Variants in DYNC2I1 observed in about 807,000 individuals in gnomAD.
The protein encoded by DYNC2I1 is cytoplasmic dynein 2 intermediate chain 1.
Under a neutral mutation model 133.4 loss-of-function variants are expected in DYNC2I1, and 89 were observed. The observed-to-expected ratio is 0.67, with a 90% CI of 0.56 to 0.80. DYNC2I1 has a LOEUF of 0.80. Among genes scored for constraint, DYNC2I1 ranks in the 30% least tolerant of loss-of-function variants. DYNC2I1 has a pLI of 0.00. For missense variants in DYNC2I1, 1,291 were observed against 1,314.5 expected (o/e 0.98, Z 0.28); for synonymous variants, 504 against 484.3 (o/e 1.04, Z -0.54).
intron 4 of DYNC2I1, among the ~76,000 whole-genome samples, chr7:158,951,621 G>A (rs1473561692): frequency 6.6e-6 from 1 of 152,222 alleles, no homozygotes; most frequent in African/African-American, 2.4e-5. Context: ...GAGTGCTTGG[G>A]TACTGAGAGG....
chr7:158,956,604 TGAA>T (rs1212419922), exon 5 of DYNC2I1: 2 of 152,206 alleles, frequency 1.3e-5, no homozygotes, highest in African/African-American at 4.8e-5. Context: ...ACAAAGCAAA[TGAA>T]GAGGCGAGAA....
At chr7:158,899,844 A>G (rs908645271) in intron 8 of DYNC2I1, among the ~76,000 whole-genome samples, 5 of 151,646 alleles carry the variant, frequency 3.3e-5, no homozygotes, top group Non-Finnish European at 7.4e-5. Context: ...TTTTCTTCCC[A>G]GTCTCGGTTA....
downstream of DYNC2I1, among the ~76,000 whole-genome samples, chr7:158,950,174 G>A (rs954985136): frequency 1.1e-4 from 16 of 152,006 alleles, no homozygotes; most frequent in East Asian, 5.8e-4. Context: ...AGTGATTCTC[G>A]TGCTCCAGCC....
chr7:158,888,892 G>A (rs1350942159), intron 7 of DYNC2I1, among the ~76,000 whole-genome samples: 1 of 151,998 alleles, frequency 6.6e-6, no homozygotes, highest in African/African-American at 2.4e-5. Flanking sequence ...AATTTTGGTG[G>A]TGGTGGTTGG....
At chr7:158,949,009 T>C (rs141323735), downstream of DYNC2I1, among the ~76,000 whole-genome samples, 166 of 152,158 alleles carry the variant, frequency 1.1e-3, no homozygotes, top group African/African-American at 4.0e-3. Context: ...AGATGGCTGG[T>C]CCTGGACTGG....
upstream of DYNC2I1, among the ~76,000 whole-genome samples, chr7:158,856,250 A>C (rs1841219011): frequency 6.6e-6 from 1 of 151,918 alleles, no homozygotes; most frequent in African/African-American, 2.4e-5. Flanking sequence ...TCGGCCTCAA[A>C]CGTAAAGCTC....
chr7:158,909,354 AAG>A (rs1563149067), intron 11 of DYNC2I1, among the ~76,000 whole-genome samples: 10 of 150,418 alleles, frequency 6.6e-5, no homozygotes, highest in Non-Finnish European at 1.3e-4. Flanking sequence ...AAAAAAAAAA[AAG>A]ATAATACTTC....
At chr7:158,857,791 CTTTTTT>C (rs369240011) in intron 1 of DYNC2I1, among the ~76,000 whole-genome samples, 4 of 133,582 alleles carry the variant, frequency 3.0e-5, no homozygotes, top group African/African-American at 2.8e-5. Context: ...TGCACCCGGC[CTTTTTT>C]TTTTTTTTTT....
intron 16 of DYNC2I1, 138 bp downstream of exon 16, chr7:158,922,687 C>T (rs1353872480): frequency 1.2e-6 from 1 of 831,136 alleles, no homozygotes. Context: ...TTCTCTGTCT[C>T]TCACAGCTGG....
chr7:158,856,011 C>T (rs1346177751), upstream of DYNC2I1, among the ~76,000 whole-genome samples: 1 of 149,160 alleles, frequency 6.7e-6, no homozygotes, highest in Admixed American at 6.7e-5. Flanking sequence ...GCGTGATCTC[C>T]GCTCACTGCA....
At chr7:158,859,162 G>T (rs150828373) in intron 1 of DYNC2I1, among the ~76,000 whole-genome samples, 2 of 150,260 alleles carry the variant, frequency 1.3e-5, no homozygotes, top group African/African-American at 4.9e-5. Flanking sequence ...TGCCTGGCCT[G>T]TCGCATACCT....
At chr7:158,873,997 A>T (rs905022955) in intron 3 of DYNC2I1, among the ~76,000 whole-genome samples, 5 of 151,984 alleles carry the variant, frequency 3.3e-5, no homozygotes, top group Non-Finnish European at 7.4e-5. Context: ...GAGCTCAGAC[A>T]ATCCACCCAC....
At chr7:158,857,107 T>G (rs1563062415) in intron 1 of DYNC2I1, among the ~76,000 whole-genome samples, 1 of 152,226 alleles carries the variant, frequency 6.6e-6, no homozygotes, top group East Asian at 1.9e-4. Context: ...TTATTAAATT[T>G]TAGCTGACTT....
At chr7:158,936,788 C>T (rs1400330614) in intron 23 of DYNC2I1, among the ~76,000 whole-genome samples, 1 of 152,204 alleles carries the variant, frequency 6.6e-6, no homozygotes, top group Non-Finnish European at 1.5e-5. Flanking sequence ...TTGAGACTTC[C>T]CTCATTTGGG....
At chr7:158,917,086 G>C (rs868017542) in intron 14 of DYNC2I1, among the ~76,000 whole-genome samples, 42 of 84,374 alleles carry the variant, frequency 5.0e-4, no homozygotes, top group East Asian at 1.6e-3. Context: ...ATTGTGAAAC[G>C]TCTACACGCT....
intron 14 of DYNC2I1, among the ~76,000 whole-genome samples, chr7:158,915,307 C>G (rs1435018217): frequency 2.3e-4 from 20 of 85,474 alleles, no homozygotes; most frequent in Non-Finnish European, 3.1e-4. Context: ...ATTGTGAAAC[C>G]TGGACACGCT....
At chr7:158,915,318 G>C (rs1847970856) in intron 14 of DYNC2I1, among the ~76,000 whole-genome samples, 1 of 151,570 alleles carries the variant, frequency 6.6e-6, no homozygotes, top group Admixed American at 6.6e-5. Flanking sequence ...TGGACACGCT[G>C]GTTGACATTA....
At chr7:158,894,409 G>A (rs1281452528) in intron 8 of DYNC2I1, among the ~76,000 whole-genome samples, 1 of 152,196 alleles carries the variant, frequency 6.6e-6, no homozygotes, top group Non-Finnish European at 1.5e-5. Context: ...TTGAATCATT[G>A]TAAGTTGCAG....
chr7:158,942,123 G>A lies in DYNC2I1; in HGVS notation c.2977G>A (p.Ala993Thr), dbSNP rs759151004. Residue 993 changes from alanine to threonine, a missense_variant, in exon 24 of 25, where the codon GCC (alanine) becomes ACC (threonine). Physicochemically the swap from Ala to Thr is moderately conservative, Grantham distance 58. Transcript: ENST00000407559. ...DLLQSDLGPV[A>T]KQQVSPNRLV... ...CCTCCAGAGCGATCTGGGTCCTGTC[G>A]CCAAACAGCAGGTCTCCCCCAACAG... 7 of 1,563,452 alleles carry A rather than the reference G, an allele frequency of 4.5e-6. No homozygotes were observed. In the East Asian group the frequency reaches 1.6e-4, roughly 35 times the overall value.
Sources: allele counts gnomAD v4.1 joint callset (sites outside exome capture counted in the v4.1 genomes callset), GRCh38; gene constraint gnomAD v4.1.1; transcripts MANE v1.5; gene names NCBI Gene and HGNC (gene_info 2026-07-23, HGNC 2026-07-21).